DLGAP2: variants seen among roughly 807,000 people sequenced by gnomAD.
DLGAP2 encodes the protein disks large-associated protein 2.
A neutral mutation model predicts 100.3 loss-of-function variants in DLGAP2; 26 were observed. That is an observed-to-expected ratio of 0.26 (90% CI 0.19 to 0.36). The LOEUF (loss-of-function observed/expected upper bound fraction) is 0.36, where lower values mean the gene tolerates loss of function less well. Ranked by LOEUF, DLGAP2 falls within the 10% of genes least tolerant of loss-of-function variation. The pLI is 1.00. For synonymous variants in DLGAP2, 886 were observed against 630.1 expected (o/e 1.41, Z -6.08); for missense variants, 1,858 against 1,453.2 (o/e 1.28, Z -4.53).
intron 1 of DLGAP2, among the ~76,000 whole-genome samples, chr8:889,520 C>A (rs1256808493): frequency 6.6e-6 from 1 of 152,180 alleles, no homozygotes; most frequent in Non-Finnish European, 1.5e-5. Context: ...AGGGAAGCCA[C>A]CCACTGAGGA....
chr8:1,583,391 A>G (rs1037991178), intron 6 of DLGAP2, among the ~76,000 whole-genome samples: 7 of 151,052 alleles, frequency 4.6e-5, no homozygotes, highest in Admixed American at 4.6e-4. Context: ...TGCTCCACAC[A>G]GCGTAACACC....
intron 2 of DLGAP2, among the ~76,000 whole-genome samples, chr8:1,045,556 T>A (rs1330395543): frequency 1.3e-5 from 2 of 152,346 alleles, no homozygotes; most frequent in African/African-American, 4.8e-5. Flanking sequence ...CCTGGTGGAC[T>A]GCAGTCTCCA....
chr8:1,042,599 G>C (rs1802385129), intron 2 of DLGAP2, among the ~76,000 whole-genome samples: 1 of 152,220 alleles, frequency 6.6e-6, no homozygotes, highest in Non-Finnish European at 1.5e-5. Context: ...CACAGACCAG[G>C]TCCCCAGGAG....
At position 1,548,608 on chromosome 8, in the gene DLGAP2, G is replaced by T; in HGVS notation, c.173-18G>T. Reference sequence around the variant, plus strand: ...GCCGCGCTTCCGGGTGTTCAATGCCGTTTCTGTTTCCCCACAGACCCGCAG... The same window carrying T: ...GCCGCGCTTCCGGGTGTTCAATGCCTTTTCTGTTTCCCCACAGACCCGCAG... On this transcript the variant is annotated intron_variant, in intron 4 of 14. Coordinates refer to ENST00000637795, the MANE Select transcript of DLGAP2 (RefSeq NM_001346810.2). 1 of 1,476,922 alleles carries T rather than the reference G, an allele frequency of 6.8e-7. No homozygotes were observed. 91.5% of individuals were successfully genotyped at this position (1,476,922 alleles called of 1,614,324 possible). A position where few individuals can be genotyped will look rare whatever the true frequency, so the allele number is the denominator to read the frequency against.
intron 1 of DLGAP2, among the ~76,000 whole-genome samples, chr8:823,158 G>A (rs375181316): frequency 6.6e-6 from 1 of 151,978 alleles, no homozygotes; most frequent in Non-Finnish European, 1.5e-5. Flanking sequence ...TCAGAGTTCC[G>A]ATACTTTCTC....
At chr8:1,005,315 G>A (rs1047246215) in intron 2 of DLGAP2, among the ~76,000 whole-genome samples, 3 of 151,784 alleles carry the variant, frequency 2.0e-5, no homozygotes, top group Non-Finnish European at 4.4e-5. Context: ...TGCAGAGAAT[G>A]TCATAGAAAA....
intron 3 of DLGAP2, among the ~76,000 whole-genome samples, chr8:1,443,460 T>C (rs1277725319): frequency 6.6e-6 from 1 of 152,232 alleles, no homozygotes; most frequent in Non-Finnish European, 1.5e-5. Flanking sequence ...CATGAATATA[T>C]TCTCACATCC....
At chr8:1,682,394 T>C (rs999609153) in intron 12 of DLGAP2, among the ~76,000 whole-genome samples, 3 of 152,148 alleles carry the variant, frequency 2.0e-5, no homozygotes, top group African/African-American at 7.2e-5. Context: ...AATTATGCCA[T>C]AAAAATACTA....
At chr8:1,487,623 C>A (rs1243906452) in intron 3 of DLGAP2, among the ~76,000 whole-genome samples, 1 of 152,144 alleles carries the variant, frequency 6.6e-6, no homozygotes, top group Non-Finnish European at 1.5e-5. Flanking sequence ...AGTCACTCTC[C>A]CTGTACATGT....
At chr8:1,025,266 A>G (rs1801762955) in intron 2 of DLGAP2, among the ~76,000 whole-genome samples, 2 of 151,396 alleles carry the variant, frequency 1.3e-5, no homozygotes, top group Non-Finnish European at 2.9e-5. Flanking sequence ...CCTCTTTCAC[A>G]CTCCCCCGAC....
chr8:1,464,335 A>T (rs74728762), intron 3 of DLGAP2, among the ~76,000 whole-genome samples: 5,434 of 43,016 alleles, frequency 0.13, 574 homozygotes, highest in East Asian at 0.46. Flanking sequence ...CCAGGACGGC[A>T]CCCTTCCAGG....
rs1412311305 is a variant in DLGAP2, at chr8:1,502,568, A to G, written c.172+1137A>G. The stretch of plus-strand genomic sequence containing the variant: ...CTACACAGCCTTTCTTCACTCGGAA[A>G]TAGACGAGTGAAAGTATTTCGACTT... On this transcript the variant is annotated intron_variant, in intron 4 of 14. Transcript: ENST00000637795. Among the ~76,000 whole-genome samples, 37 of 152,250 alleles carry G rather than the reference A, an allele frequency of 2.4e-4. 1 individual carries two copies. Among genetic ancestry groups the G allele is most frequent in the Admixed American group, 2.4e-3 (37 of 15,290 alleles).
At chr8:930,766 C>T (rs1798938713) in intron 2 of DLGAP2, among the ~76,000 whole-genome samples, 1 of 152,208 alleles carries the variant, frequency 6.6e-6, no homozygotes, top group Non-Finnish European at 1.5e-5. Flanking sequence ...GGAGCCACAC[C>T]AGTGTGCCAG....
chr8:822,251 GCATTT>G, intron 1 of DLGAP2: 2 of 399,462 alleles, frequency 5.0e-6, no homozygotes, highest in Non-Finnish European at 8.8e-6. Flanking sequence ...TCCTTACCCA[GCATTT>G]GCTTACTTCC....
At chr8:922,826 G>A (rs989425171) in intron 2 of DLGAP2, among the ~76,000 whole-genome samples, 1 of 152,194 alleles carries the variant, frequency 6.6e-6, no homozygotes, top group African/African-American at 2.4e-5. Context: ...TATGGCCACT[G>A]TTCTCTCAGG....
At chr8:1,644,490 A>G (rs1224182014) in intron 8 of DLGAP2, among the ~76,000 whole-genome samples, 4 of 152,196 alleles carry the variant, frequency 2.6e-5, no homozygotes, top group African/African-American at 9.6e-5. Flanking sequence ...TTTCTGCCTG[A>G]GTCCTAGCTG....
chr8:1,581,986 C>G lies in DLGAP2; in HGVS notation c.1442+16092C>G, dbSNP rs186058475. 3.5e-3 allele frequency among the ~76,000 whole-genome samples: 535 copies of G among 151,016 alleles called. 3 individuals are homozygous for G. Among genetic ancestry groups the G allele is most frequent in the African/African-American group, 0.012 (508 of 40,976 alleles). On this transcript the variant is annotated intron_variant, in intron 6 of 14. Coordinates refer to ENST00000637795, the MANE Select transcript of DLGAP2 (RefSeq NM_001346810.2). ...GACAATCCCCACACACATGTACACA[C>G]CACAGTCAAACTACCAGAAGTGAAG...
intron 2 of DLGAP2, among the ~76,000 whole-genome samples, chr8:973,339 G>A (rs1800069274): frequency 6.7e-6 from 1 of 149,642 alleles, no homozygotes; most frequent in Non-Finnish European, 1.5e-5. Flanking sequence ...GGGCGGAGAC[G>A]CTCCTCACTT....
chr8:1,495,999 G>A (rs569487672), intron 3 of DLGAP2, among the ~76,000 whole-genome samples: 54 of 152,250 alleles, frequency 3.5e-4, no homozygotes, highest in African/African-American at 1.3e-3. Context: ...AGGCAGTGAC[G>A]TGGGGCCCCC....
Sources: gnomAD v4.1 joint callset for allele counts (sites outside exome capture counted in the v4.1 genomes callset) on GRCh38, gnomAD v4.1.1 for gene constraint, MANE v1.5 for transcripts, NCBI Gene and HGNC (gene_info 2026-07-23, HGNC 2026-07-21) for gene names.